Variants in ZDHHC21 observed in about 807,000 individuals in gnomAD.
ZDHHC21 encodes the protein zDHHC palmitoyltransferase 21.
In ZDHHC21, 15 loss-of-function variants were observed where a neutral mutation model predicts 34.6. The observed-to-expected ratio is 0.43, with a 90% CI of 0.29 to 0.67. The LOEUF (loss-of-function observed/expected upper bound fraction) is 0.67. ZDHHC21 is among the 30% of genes least tolerant of loss of function. The pLI, the probability that ZDHHC21 is intolerant of heterozygous loss-of-function variation, is 0.14. For synonymous variants in ZDHHC21, 142 were observed against 101.8 expected, an observed-to-expected ratio of 1.40 and a Z score of -2.38; for missense variants, 344 against 327.7, an observed-to-expected ratio of 1.05 and a Z score of -0.38.
the ZDHHC21 span, among the ~76,000 whole-genome samples, chr9:14,595,702 A>G: frequency 2.0e-5 from 3 of 152,258 alleles, no homozygotes; most frequent in Non-Finnish European, 4.4e-5. Context: ...TGACTCAGTA[A>G]GAAGACAACC....
intron 8 of ZDHHC21, among the ~76,000 whole-genome samples, chr9:14,638,819 T>C (rs896206728): frequency 2.0e-5 from 3 of 152,052 alleles, no homozygotes; most frequent in East Asian, 3.9e-4. Context: ...TAACATATCA[T>C]CTTAGAACGG....
At chr9:14,597,238 G>A in the ZDHHC21 span, among the ~76,000 whole-genome samples, 31 of 151,966 alleles carry the variant, frequency 2.0e-4, no homozygotes, top group Admixed American at 1.3e-3. Flanking sequence ...CTTCCCTAGG[G>A]CCCAACACCC....
chr9:14,601,152 G>A, the ZDHHC21 span, among the ~76,000 whole-genome samples: 1 of 152,126 alleles, frequency 6.6e-6, no homozygotes, highest in Non-Finnish European at 1.5e-5. Flanking sequence ...TGACAAATGG[G>A]ATCTAATCAA....
intron 5 of ZDHHC21, among the ~76,000 whole-genome samples, chr9:14,671,129 G>C (rs1179687615): frequency 6.6e-6 from 1 of 151,818 alleles, no homozygotes; most frequent in Non-Finnish European, 1.5e-5. Flanking sequence ...CAAAAAAAAG[G>C]CAAACTCCAT....
intron 2 of ZDHHC21, among the ~76,000 whole-genome samples, chr9:14,689,022 G>C (rs1003996326): frequency 6.6e-6 from 1 of 152,100 alleles, no homozygotes. Flanking sequence ...ACTCCAGCCT[G>C]GTCAACAGAG....
the ZDHHC21 span, among the ~76,000 whole-genome samples, chr9:14,602,248 C>G: frequency 6.6e-6 from 1 of 151,442 alleles, no homozygotes; most frequent in Non-Finnish European, 1.5e-5. Flanking sequence ...CTAGATCAAG[C>G]AGAAGAAAGA....
At chr9:14,626,197 T>C (rs1826176180) in intron 8 of ZDHHC21, among the ~76,000 whole-genome samples, 1 of 151,972 alleles carries the variant, frequency 6.6e-6, no homozygotes, top group Non-Finnish European at 1.5e-5. Context: ...TGGCTGAGAT[T>C]CAGGGAATAA....
chr9:14,607,735 T>C (rs1214548334), downstream of ZDHHC21, among the ~76,000 whole-genome samples: 1 of 152,130 alleles, frequency 6.6e-6, no homozygotes, highest in Non-Finnish European at 1.5e-5. Context: ...CATCTATCAG[T>C]ATGCTACATA....
At chr9:14,626,393 A>G (rs577750622) in intron 8 of ZDHHC21, among the ~76,000 whole-genome samples, 1 of 152,090 alleles carries the variant, frequency 6.6e-6, no homozygotes, top group African/African-American at 2.4e-5. Flanking sequence ...AAACCCATAA[A>G]TGTTTAGTTT....
intron 7 of ZDHHC21, among the ~76,000 whole-genome samples, chr9:14,656,763 T>A (rs1832299760): frequency 6.6e-6 from 1 of 151,992 alleles, no homozygotes; most frequent in South Asian, 2.1e-4. Flanking sequence ...CATAATGATT[T>A]GATTTTCATT....
chr9:14,656,326 T>A (rs763904979), intron 7 of ZDHHC21, among the ~76,000 whole-genome samples: 1 of 151,964 alleles, frequency 6.6e-6, no homozygotes, highest in Non-Finnish European at 1.5e-5. Flanking sequence ...ACAGTGCTAA[T>A]AAACATTCAA....
intron 5 of ZDHHC21, among the ~76,000 whole-genome samples, chr9:14,664,498 G>A (rs918352636): frequency 5.9e-5 from 9 of 151,806 alleles, no homozygotes; most frequent in African/African-American, 1.9e-4. Flanking sequence ...GAACTGGCTG[G>A]AGCCCACCAC....
At chr9:14,607,985 C>T (rs1338361812), downstream of ZDHHC21, among the ~76,000 whole-genome samples, 2 of 152,182 alleles carry the variant, frequency 1.3e-5, no homozygotes, top group Non-Finnish European at 2.9e-5. Flanking sequence ...ATTGTGGGTA[C>T]TTTTCCGTGA....
chr9:14,620,569 T>G (rs970251259), intron 8 of ZDHHC21, among the ~76,000 whole-genome samples: 5 of 9,916 alleles, frequency 5.0e-4, no homozygotes, highest in African/African-American at 2.3e-3. Context: ...GTGGACTTAT[T>G]TAAGCAGTAC....
intron 1 of ZDHHC21, 59 bp downstream of exon 1, chr9:14,693,170 G>A (rs1304069547): frequency 3.6e-6 from 1 of 278,772 alleles, no homozygotes; most frequent in East Asian, 1.7e-4. Context: ...ATGGGGGTGG[G>A]GGTGCGGATG....
At chr9:14,682,593 G>A (rs1282932656) in intron 2 of ZDHHC21, among the ~76,000 whole-genome samples, 3 of 152,078 alleles carry the variant, frequency 2.0e-5, no homozygotes, top group Non-Finnish European at 2.9e-5. Flanking sequence ...ATAATAATGG[G>A]AGACTTTAGC....
chr9:14,661,072 G>A (rs1478535418), intron 6 of ZDHHC21, among the ~76,000 whole-genome samples: 1 of 152,014 alleles, frequency 6.6e-6, no homozygotes, highest in Admixed American at 6.5e-5. Flanking sequence ...TTAAATTCAA[G>A]GCACAGTTTT....
chr9:14,614,119 G>T lies in ZDHHC21; in HGVS notation c.*4847C>A, dbSNP rs1053165077. The T allele has an allele frequency of 5.9e-5, 9 of 151,644 alleles. No homozygotes were observed. The highest frequency in any genetic ancestry group is 1.2e-4 in the Non-Finnish European group (8 of 67,714). 9.4% of individuals were successfully genotyped at this position (151,644 alleles called of 1,614,324 possible). ...AGAGATTCTCTGATGTCAGAAACTG[G>T]CTCCAGTCAACTCTGTTGCTGAGAT... is the stretch of plus-strand genomic sequence containing the variant. On this transcript the variant is annotated 3_prime_UTR_variant, in exon 10 of 10. Transcript: ENST00000380916.
At chr9:14,602,797 C>G in the ZDHHC21 span, among the ~76,000 whole-genome samples, 1 of 152,014 alleles carries the variant, frequency 6.6e-6, no homozygotes, top group Non-Finnish European at 1.5e-5. Context: ...GTGAATTGCA[C>G]TTATAATCCC....
Sources: gnomAD v4.1 joint callset for allele counts (sites outside exome capture counted in the v4.1 genomes callset) on GRCh38, gnomAD v4.1.1 for gene constraint, MANE v1.5 for transcripts, NCBI Gene and HGNC (gene_info 2026-07-23, HGNC 2026-07-21) for gene names.